EIF4G3: variants seen among roughly 807,000 people sequenced by gnomAD.
The protein encoded by EIF4G3 is eIF-4-gamma 3.
Under a neutral mutation model 186.4 loss-of-function variants are expected in EIF4G3, and 34 were observed. That is an observed-to-expected ratio of 0.18 (90% CI 0.14 to 0.24). The LOEUF is 0.24. EIF4G3 is among the 10% of genes least tolerant of loss of function. The pLI is 1.00. For missense variants in EIF4G3, 1,536 were observed against 1,948.5 expected, an observed-to-expected ratio of 0.79 and a Z score of 3.99; for synonymous variants, 673 against 679.5, an observed-to-expected ratio of 0.99 and a Z score of 0.15.
At chr1:20,852,471 A>G (rs1397151984) in intron 27 of EIF4G3, among the ~76,000 whole-genome samples, 1 of 152,214 alleles carries the variant, frequency 6.6e-6, no homozygotes, top group Non-Finnish European at 1.5e-5. Flanking sequence ...CTTTAAACAT[A>G]TGGAAAATAT....
chr1:21,008,706 G>A (rs999384348), intron 4 of EIF4G3, among the ~76,000 whole-genome samples: 5 of 152,132 alleles, frequency 3.3e-5, no homozygotes, highest in Non-Finnish European at 7.4e-5. Flanking sequence ...CACTTACTCA[G>A]CCACAGTGTA....
At chr1:21,082,129 C>A (rs2095808876) in intron 3 of EIF4G3, among the ~76,000 whole-genome samples, 1 of 149,238 alleles carries the variant, frequency 6.7e-6, no homozygotes, top group African/African-American at 2.5e-5. Flanking sequence ...TGATTATCAG[C>A]AAATCCCTAT....
chr1:20,862,662 C>A (rs2154552051), intron 22 of EIF4G3, among the ~76,000 whole-genome samples: 1 of 152,342 alleles, frequency 6.6e-6, no homozygotes, highest in South Asian at 2.1e-4. Flanking sequence ...ATCCTCCAGC[C>A]TTGGCCTCTC....
chr1:21,096,239 A>G lies in EIF4G3; in HGVS notation c.-271-7026T>C, dbSNP rs531802989. 3.9e-4 allele frequency among the ~76,000 whole-genome samples: 59 copies of G among 152,340 alleles called. 1 individual carries two copies. Among genetic ancestry groups the G allele is most frequent in the African/African-American group, 1.4e-3 (59 of 41,582 alleles). On this transcript the variant is annotated intron_variant, in intron 2 of 36. Coordinates refer to ENST00000602326, the MANE Select transcript of EIF4G3 (RefSeq NM_001391906.1). ...TAAAAAAATGAGGTCATTCTTTTGC[A>G]GCAACATAGATGGAACTGGAAGCCA...
chr1:21,139,993 T>C lies in EIF4G3; in HGVS notation c.-272+36182A>G, dbSNP rs550676568. 2.6e-5 allele frequency among the ~76,000 whole-genome samples: 4 copies of C among 152,354 alleles called. No individual in the cohort carries two copies. In the South Asian group the frequency reaches 8.3e-4, roughly 32 times the overall value. On this transcript the variant is annotated intron_variant, in intron 2 of 36. Transcript: ENST00000602326. ...GAAAAAAATGTAAAGGATTCCTTAC[T>C]TGGGTCACCCAAGTCTAATGAAAAT...
chr1:21,123,810 AG>A (rs2096972019), intron 2 of EIF4G3, among the ~76,000 whole-genome samples: 1 of 152,194 alleles, frequency 6.6e-6, no homozygotes, highest in Admixed American at 6.5e-5. Flanking sequence ...AACCTTATCC[AG>A]TGCTGTAATT....
At chr1:20,975,564 G>A (rs182712415) in intron 10 of EIF4G3, among the ~76,000 whole-genome samples, 298 of 151,016 alleles carry the variant, frequency 2.0e-3, no homozygotes, top group African/African-American at 6.8e-3. Context: ...CTCTAGCAGA[G>A]TAGAAAATCT....
At chr1:21,116,708 G>A (rs928473121) in intron 2 of EIF4G3, among the ~76,000 whole-genome samples, 21 of 151,430 alleles carry the variant, frequency 1.4e-4, no homozygotes, top group South Asian at 4.2e-4. Flanking sequence ...GCGTGGTGGC[G>A]TGCACCTGTA....
chr1:20,906,554 AC>A (rs2154557492), intron 14 of EIF4G3, among the ~76,000 whole-genome samples: 1 of 152,306 alleles, frequency 6.6e-6, no homozygotes, highest in East Asian at 1.9e-4. Flanking sequence ...ACAACAAAAA[AC>A]AAAGATAAAC....
At chr1:20,851,974 C>T (rs61781078) in intron 27 of EIF4G3, among the ~76,000 whole-genome samples, 48,021 of 152,016 alleles carry the variant, frequency 0.32, 8,337 homozygotes, top group Non-Finnish European at 0.39. Context: ...GCCAAGATTG[C>T]GCCACTGCAC....
At chr1:20,959,172 T>C (rs2096511565) in intron 12 of EIF4G3, among the ~76,000 whole-genome samples, 1 of 152,138 alleles carries the variant, frequency 6.6e-6, no homozygotes, top group Admixed American at 6.6e-5. Flanking sequence ...AACAGCGTAG[T>C]ACTGGTATAA....
At chr1:21,143,973 C>A (rs2097389431) in intron 2 of EIF4G3, among the ~76,000 whole-genome samples, 1 of 152,092 alleles carries the variant, frequency 6.6e-6, no homozygotes, top group Admixed American at 6.6e-5. Flanking sequence ...CCTAAGTTGC[C>A]CTGGCTGGTT....
intron 11 of EIF4G3, among the ~76,000 whole-genome samples, chr1:20,972,075 G>A (rs960068951): frequency 6.6e-6 from 1 of 152,108 alleles, no homozygotes; most frequent in Non-Finnish European, 1.5e-5. Context: ...GTAAGGAATT[G>A]CAAGCCACTC....
chr1:20,947,445 TAA>T (rs527905125), intron 13 of EIF4G3, among the ~76,000 whole-genome samples: 1 of 142,486 alleles, frequency 7.0e-6, no homozygotes, highest in Admixed American at 7.0e-5. Flanking sequence ...TAAATTTGGT[TAA>T]AAAAAAAAAA....
chr1:20,976,066 G>T (rs1360975141), intron 10 of EIF4G3, among the ~76,000 whole-genome samples: 1 of 151,254 alleles, frequency 6.6e-6, no homozygotes, highest in East Asian at 1.9e-4. Flanking sequence ...TATATAAAAA[G>T]TGTCAATGAT....
chr1:20,989,831 G>A (rs1003229067), intron 7 of EIF4G3, among the ~76,000 whole-genome samples: 10 of 152,178 alleles, frequency 6.6e-5, no homozygotes, highest in East Asian at 3.9e-4. Context: ...TCTACTTTGC[G>A]TAAAATGCTG....
intron 4 of EIF4G3, among the ~76,000 whole-genome samples, chr1:21,005,487 CTT>C (rs1369473062): frequency 1.3e-5 from 2 of 152,090 alleles, no homozygotes; most frequent in East Asian, 1.9e-4. Context: ...TAGAGGAACA[CTT>C]TGTTCTCTCA....
At chr1:21,131,922 T>A (rs1007588608) in intron 2 of EIF4G3, among the ~76,000 whole-genome samples, 2 of 151,830 alleles carry the variant, frequency 1.3e-5, no homozygotes, top group Non-Finnish European at 2.9e-5. Flanking sequence ...TAGTAAGCCA[T>A]GATCATACTA....
At chr1:21,122,533 G>C (rs2096944202) in intron 2 of EIF4G3, among the ~76,000 whole-genome samples, 1 of 152,058 alleles carries the variant, frequency 6.6e-6, no homozygotes, top group Admixed American at 6.5e-5. Context: ...ATTTAAACCG[G>C]ATGCTTTTTA....
Sources: allele counts gnomAD v4.1 joint callset (sites outside exome capture counted in the v4.1 genomes callset), GRCh38; gene constraint gnomAD v4.1.1; transcripts MANE v1.5; gene names NCBI Gene and HGNC (gene_info 2026-07-23, HGNC 2026-07-21).